Variants in DYNC2I1 observed in about 807,000 individuals in gnomAD.
The protein encoded by DYNC2I1 is cytoplasmic dynein 2 intermediate chain 1.
In DYNC2I1, 89 loss-of-function variants were observed where a neutral mutation model predicts 133.4. The observed-to-expected ratio is 0.67, with a 90% CI of 0.56 to 0.80. The LOEUF is 0.80. DYNC2I1 is among the 30% of genes least tolerant of loss of function. The pLI is 0.00. For missense variants in DYNC2I1, 1,291 were observed against 1,314.5 expected (o/e 0.98, Z 0.28); for synonymous variants, 504 against 484.3 (o/e 1.04, Z -0.54).
At chr7:158,841,553 G>C in the DYNC2I1 span, among the ~76,000 whole-genome samples, 2 of 152,010 alleles carry the variant, frequency 1.3e-5, no homozygotes, top group Non-Finnish European at 2.9e-5. Flanking sequence ...CTAGCATTCT[G>C]TCACTTCCTA....
At chr7:158,883,194 C>T (rs1425569441) in intron 5 of DYNC2I1, among the ~76,000 whole-genome samples, 3 of 149,668 alleles carry the variant, frequency 2.0e-5, no homozygotes, top group African/African-American at 7.3e-5. Context: ...CTCTCACTTT[C>T]TCTATATGAT....
intron 10 of DYNC2I1, chr7:158,905,350 C>G (rs768420039): frequency 2.0e-4 from 57 of 282,202 alleles, no homozygotes; most frequent in Non-Finnish European, 3.7e-4. Context: ...CATGTTGGCC[C>G]GGCTGGTCTG....
At chr7:158,941,802 C>G (rs113661516) in intron 23 of DYNC2I1, 123 bp from the exon 24 acceptor site, 3 of 1,114,674 alleles carry the variant, frequency 2.7e-6, no homozygotes, top group Non-Finnish European at 3.9e-6. Context: ...TGATTGAGCC[C>G]GGGAGGTCAA....
At chr7:158,870,780 TCCTGACACCCGAATAGTA>T (rs1212441469) in intron 2 of DYNC2I1, among the ~76,000 whole-genome samples, 1 of 152,144 alleles carries the variant, frequency 6.6e-6, no homozygotes, top group African/African-American at 2.4e-5. Context: ...CCGTTAGTGC[TCCTGACACCCGAATAGTA>T]CCTGTCACCC....
At chr7:158,844,770 C>T in the DYNC2I1 span, among the ~76,000 whole-genome samples, 3 of 152,076 alleles carry the variant, frequency 2.0e-5, no homozygotes, top group Non-Finnish European at 2.9e-5. Flanking sequence ...TACAGGCATG[C>T]ACCACCACAC....
chr7:158,888,019 C>CTTTTTTTTTTTTTT (rs545903783), intron 7 of DYNC2I1, among the ~76,000 whole-genome samples: 1 of 96,598 alleles, frequency 1.0e-5, no homozygotes, highest in African/African-American at 4.4e-5. Context: ...AACCATTGTC[C>CTTTTTTTTTTTTTT]TTTTTTTTTT....
upstream of DYNC2I1, among the ~76,000 whole-genome samples, chr7:158,856,043 G>A (rs1350546386): frequency 6.8e-6 from 1 of 147,136 alleles, no homozygotes; most frequent in African/African-American, 2.5e-5. Flanking sequence ...CCAGGTTCAC[G>A]CCATCCTTCT....
chr7:158,925,014 C>T (rs1034949904), intron 17 of DYNC2I1, among the ~76,000 whole-genome samples: 10 of 152,148 alleles, frequency 6.6e-5, no homozygotes, highest in Admixed American at 6.5e-4. Context: ...CCTTGGCCTC[C>T]CAAAGCGCTG....
chr7:158,905,506 A>G (rs1004618365), intron 10 of DYNC2I1, among the ~76,000 whole-genome samples: 3 of 152,156 alleles, frequency 2.0e-5, no homozygotes, highest in Non-Finnish European at 2.9e-5. Context: ...ATCTAATCAC[A>G]TCTTCAGAAA....
intron 11 of DYNC2I1, among the ~76,000 whole-genome samples, 192 bp from the exon 12 acceptor site, chr7:158,911,358 C>T (rs1009586524): frequency 2.6e-5 from 4 of 152,166 alleles, no homozygotes; most frequent in Non-Finnish European, 5.9e-5. Flanking sequence ...CAAGGTCACA[C>T]ACCAGGTTCC....
intron 3 of DYNC2I1, among the ~76,000 whole-genome samples, chr7:158,873,949 G>C (rs1843106503): frequency 6.6e-6 from 1 of 152,028 alleles, no homozygotes; most frequent in African/African-American, 2.4e-5. Context: ...GCAGCGACGG[G>C]GGTTTCACCA....
downstream of DYNC2I1, among the ~76,000 whole-genome samples, chr7:158,958,045 G>C (rs1213189158): frequency 6.6e-6 from 1 of 151,302 alleles, no homozygotes; most frequent in Non-Finnish European, 1.5e-5. Context: ...CCTAGGTCGT[G>C]GAGAGGGTGT....
chr7:158,945,874 A>G lies in DYNC2I1; in HGVS notation c.*95A>G. The G allele has an allele frequency of 1.7e-6, 2 of 1,211,444 alleles. No homozygotes were observed. Among genetic ancestry groups the G allele is most frequent in the African/African-American group, 1.5e-5 (1 of 65,078 alleles). 75.0% of individuals were successfully genotyped at this position (1,211,444 alleles called of 1,614,324 possible). A position where few individuals can be genotyped will look rare whatever the true frequency, so the allele number is the denominator to read the frequency against. On this transcript the variant is annotated 3_prime_UTR_variant, in exon 25 of 25. Transcript: ENST00000407559. The surrounding 1 kb of genome is among the most constrained non-coding windows in gnomAD (Gnocchi z 4.1). ...CATTTGTGTGCAAGTATATTTATGT[A>G]TATAGACTATGTATATTCTGTATAT...
downstream of DYNC2I1, among the ~76,000 whole-genome samples, chr7:158,957,648 C>G (rs1852232172): frequency 6.6e-6 from 1 of 152,162 alleles, no homozygotes; most frequent in Admixed American, 6.5e-5. Context: ...ACGGAGCTCA[C>G]CGGAGGCCAC....
At chr7:158,917,548 C>T (rs1030406572) in intron 14 of DYNC2I1, among the ~76,000 whole-genome samples, 20 of 127,996 alleles carry the variant, frequency 1.6e-4, no homozygotes, top group Non-Finnish European at 2.8e-4. Flanking sequence ...CTGTCCTCCA[C>T]ACTCCACCCT....
At chr7:158,883,456 T>C (rs1844259020) in intron 5 of DYNC2I1, among the ~76,000 whole-genome samples, 1 of 150,716 alleles carries the variant, frequency 6.6e-6, no homozygotes, top group South Asian at 2.1e-4. Flanking sequence ...TGACCTCAGG[T>C]GATCCTCCTG....
upstream of DYNC2I1, among the ~76,000 whole-genome samples, chr7:158,851,903 A>C (rs1029532120): frequency 6.6e-6 from 1 of 152,204 alleles, no homozygotes; most frequent in Non-Finnish European, 1.5e-5. Context: ...TCTGACACAC[A>C]AATACTATTC....
chr7:158,902,721 C>A, intron 10 of DYNC2I1, 126 bp downstream of exon 10: 2 of 829,276 alleles, frequency 2.4e-6, no homozygotes, highest in South Asian at 1.8e-5. Context: ...CTTCCACATG[C>A]TGGTGGTGCC....
In DYNC2I1 at chr7:158,879,996, C is replaced by CT; in HGVS notation, c.879+9dup. 2 of 1,574,952 alleles carry CT rather than the reference C, an allele frequency of 1.3e-6. No individual in the cohort carries two copies. Among genetic ancestry groups the CT allele is most frequent in the South Asian group, 2.4e-5 (2 of 84,264 alleles). On this transcript the variant is annotated splice_region_variant and intron_variant, in intron 5 of 24. Coordinates refer to ENST00000407559, the MANE Select transcript of DYNC2I1 (RefSeq NM_018051.5). ...CAGGAAAAGGGAATCCCAGGTACCC[C>CT]TTCTGATGCTTCGTTGCCTTAGCAG...
Sources: gnomAD v4.1 joint callset for allele counts (sites outside exome capture counted in the v4.1 genomes callset) on GRCh38, gnomAD v4.1.1 for gene constraint, Gnocchi (gnomAD v3.1) non-coding constraint, MANE v1.5 for transcripts, NCBI Gene and HGNC (gene_info 2026-07-23, HGNC 2026-07-21) for gene names.